SYT1: variants seen among roughly 807,000 people sequenced by gnomAD.
SYT1 encodes synaptotagmin-1.
In SYT1, 8 loss-of-function variants were observed where a neutral mutation model predicts 44.8. That is an observed-to-expected ratio of 0.18 (90% CI 0.10 to 0.32). SYT1 has a LOEUF of 0.32. Among genes scored for constraint, SYT1 ranks in the 10% least tolerant of loss-of-function variants. The pLI is 1.00. For synonymous variants in SYT1, 154 were observed against 188.8 expected (o/e 0.82, Z 1.51); for missense variants, 286 against 509.3 (o/e 0.56, Z 4.22).
intron 9 of SYT1, among the ~76,000 whole-genome samples, chr12:79,432,109 T>G (rs1044752030): frequency 1.1e-4 from 17 of 152,174 alleles, no homozygotes; most frequent in African/African-American, 4.1e-4. Flanking sequence ...ATAAACCAAC[T>G]AACATGTTCA....
At chr12:78,985,284 C>T (rs1209662352) in intron 2 of SYT1, among the ~76,000 whole-genome samples, 2 of 151,670 alleles carry the variant, frequency 1.3e-5, no homozygotes, top group African/African-American at 4.8e-5. Context: ...GTATAATAAA[C>T]CTAAATTTCT....
intron 3 of SYT1, among the ~76,000 whole-genome samples, chr12:79,181,853 C>A (rs779879577): frequency 4.6e-5 from 7 of 152,048 alleles, no homozygotes; most frequent in Non-Finnish European, 8.8e-5. Flanking sequence ...ATTCTATCAT[C>A]CCTTTTCCAG....
chr12:79,261,436 T>G (rs771137568), intron 4 of SYT1, among the ~76,000 whole-genome samples: 14 of 152,210 alleles, frequency 9.2e-5, no homozygotes, highest in Non-Finnish European at 1.8e-4. Context: ...TTATACTGGA[T>G]TAACTTTAAT....
chr12:78,989,249 G>A (rs1442718568), intron 2 of SYT1, among the ~76,000 whole-genome samples: 2 of 152,000 alleles, frequency 1.3e-5, no homozygotes, highest in Non-Finnish European at 2.9e-5. Flanking sequence ...GGACCTCAGG[G>A]AAAAAGACTG....
intron 4 of SYT1, among the ~76,000 whole-genome samples, chr12:79,231,469 G>A (rs769765344): frequency 6.6e-6 from 1 of 151,520 alleles, no homozygotes; most frequent in Non-Finnish European, 1.5e-5. Flanking sequence ...CTTTCAAGCT[G>A]TTTTCACACA....
At chr12:79,042,592 A>AT (rs1218017793) in intron 2 of SYT1, among the ~76,000 whole-genome samples, 3 of 136,326 alleles carry the variant, frequency 2.2e-5, no homozygotes, top group African/African-American at 8.3e-5. Flanking sequence ...GGATTCATTA[A>AT]TTTTTTGAAG....
At chr12:78,887,689 C>T (rs1874824547) in intron 1 of SYT1, among the ~76,000 whole-genome samples, 1 of 151,850 alleles carries the variant, frequency 6.6e-6, no homozygotes, top group African/African-American at 2.4e-5. Flanking sequence ...AAGAGCTCCT[C>T]ATAAGTAAAG....
intron 4 of SYT1, among the ~76,000 whole-genome samples, chr12:79,226,725 C>A (rs1918190): frequency 0.7 from 105,889 of 151,958 alleles, 37,286 homozygotes; most frequent in African/African-American, 0.74. Context: ...TTAGAAAACA[C>A]AGCATCATAA....
intron 3 of SYT1, among the ~76,000 whole-genome samples, chr12:79,198,353 C>T (rs1041405340): frequency 6.6e-6 from 1 of 152,148 alleles, no homozygotes; most frequent in Admixed American, 6.5e-5. Flanking sequence ...GTCAGTATTG[C>T]TTTGCTCTCT....
chr12:79,288,711 A>G (rs1438921915), intron 5 of SYT1, among the ~76,000 whole-genome samples: 1 of 152,172 alleles, frequency 6.6e-6, no homozygotes, highest in Non-Finnish European at 1.5e-5. Flanking sequence ...TTCACATGTA[A>G]AGTCATAGGT....
chr12:79,427,235 G>A (rs1211665371), intron 9 of SYT1, among the ~76,000 whole-genome samples: 1 of 152,154 alleles, frequency 6.6e-6, no homozygotes, highest in Non-Finnish European at 1.5e-5. Flanking sequence ...AGAAGCTCAG[G>A]GAGGGCACTG....
At chr12:78,930,696 A>G (rs1337879305) in intron 1 of SYT1, among the ~76,000 whole-genome samples, 2 of 151,584 alleles carry the variant, frequency 1.3e-5, no homozygotes, top group Admixed American at 1.3e-4. Context: ...AAACTTAAAC[A>G]TAACCAAGTG....
At chr12:79,133,683 C>T (rs12310919) in intron 3 of SYT1, among the ~76,000 whole-genome samples, 17,077 of 152,044 alleles carry the variant, frequency 0.11, 1,238 homozygotes, top group African/African-American at 0.2. Flanking sequence ...GAAGAAAAAC[C>T]ACAGAACTTA....
intron 1 of SYT1, among the ~76,000 whole-genome samples, chr12:78,956,659 C>G (rs998438172): frequency 6.6e-6 from 1 of 151,670 alleles, no homozygotes; most frequent in Non-Finnish European, 1.5e-5. Context: ...TAGCCAATTA[C>G]TCTGTAATAT....
rs139871906 is a variant in SYT1 at position 79,022,207 on chromosome 12, A to G, written c.-83-25090A>G. ...AGGTAATTATCTGTGGAGAGCCATT[A>G]TCTCAATTTCCCAAACAACAGACTG... On this transcript the variant is annotated intron_variant, in intron 2 of 10. Transcript: ENST00000261205. 6.6e-5 allele frequency among the ~76,000 whole-genome samples: 10 copies of G among 151,978 alleles called. No homozygotes were observed. The East Asian group carries it at 1.9e-3, about 30-fold the overall frequency.
intron 9 of SYT1, among the ~76,000 whole-genome samples, chr12:79,370,945 A>G (rs995987432): frequency 6.6e-6 from 1 of 152,122 alleles, no homozygotes; most frequent in African/African-American, 2.4e-5. Context: ...CCCATGGAAG[A>G]GCACATCTAT....
chr12:79,175,174 G>A (rs992793423), intron 3 of SYT1, among the ~76,000 whole-genome samples: 1 of 151,930 alleles, frequency 6.6e-6, no homozygotes, highest in African/African-American at 2.4e-5. Flanking sequence ...ATGAAATAAT[G>A]GGACTTACAC....
chr12:79,383,508 T>G (rs1361132299), intron 9 of SYT1, among the ~76,000 whole-genome samples: 1 of 151,764 alleles, frequency 6.6e-6, no homozygotes, highest in Non-Finnish European at 1.5e-5. Context: ...CAAGATATAG[T>G]TATTTAAATA....
At chr12:79,199,152 C>T (rs1343474920) in intron 3 of SYT1, among the ~76,000 whole-genome samples, 4 of 152,094 alleles carry the variant, frequency 2.6e-5, no homozygotes, top group Admixed American at 2.6e-4. Context: ...TAATGCCATA[C>T]CATTCTTACC....
Sources: gnomAD v4.1 joint callset for allele counts (sites outside exome capture counted in the v4.1 genomes callset) on GRCh38, gnomAD v4.1.1 for gene constraint, MANE v1.5 for transcripts, NCBI Gene and HGNC (gene_info 2026-07-23, HGNC 2026-07-21) for gene names.